HS3ST3A1: variants seen among roughly 807,000 people sequenced by gnomAD.
HS3ST3A1 encodes heparan sulfate-glucosamine 3-sulfotransferase 3A1.
Under a neutral mutation model 25.7 loss-of-function variants are expected in HS3ST3A1, and 19 were observed. That is an observed-to-expected ratio of 0.74 (90% confidence interval 0.52 to 1.08). HS3ST3A1 has a LOEUF of 1.08. Ranked by LOEUF, HS3ST3A1 falls within the 50% of genes least tolerant of loss-of-function variation. HS3ST3A1 has a pLI of 0.00. For synonymous variants in HS3ST3A1, 226 were observed against 278.6 expected, an observed-to-expected ratio of 0.81 and a Z score of 1.88; for missense variants, 459 against 594.3, an observed-to-expected ratio of 0.77 and a Z score of 2.37.
In HS3ST3A1 at chr17:13,552,327, C is replaced by G. The variant is rs191186636; in HGVS notation, c.599+48204G>C. Among the ~76,000 whole-genome samples the G allele has an allele frequency of 3.7e-3, 566 of 152,226 alleles. 5 individuals carry two copies. The highest frequency in any genetic ancestry group is 4.2e-3 in the Non-Finnish European group (288 of 68,012). On this transcript the variant is annotated intron_variant, in intron 1 of 1. Transcript: ENST00000284110. ...CGAACTCCTGACCTCGTGATCCACC[C>G]GCCTCGGCCTCCTAAAGTGCTGGGA...
At chr17:13,531,111 G>T (rs1906591638) in intron 1 of HS3ST3A1, among the ~76,000 whole-genome samples, 1 of 152,124 alleles carries the variant, frequency 6.6e-6, no homozygotes, top group African/African-American at 2.4e-5. Context: ...ATTTAATCAA[G>T]CATTTAGGGA....
Position 13,549,011 on chromosome 17 carries a change from G to A in HS3ST3A1, c.599+51520C>T, listed in dbSNP as rs530169185. The stretch of plus-strand genomic sequence containing the variant: ...CGAGCCCGCAGCAGCGATCTGCTCC[G>A]GTCCCTTGCCACACTGTGGAAGCTT... On this transcript the variant is annotated intron_variant, in intron 1 of 1. Transcript: ENST00000284110. Among the ~76,000 whole-genome samples, 8 of 152,278 alleles carry A rather than the reference G, an allele frequency of 5.3e-5. No individual in the cohort carries two copies. In the South Asian group the frequency reaches 8.3e-4, roughly 16 times the overall value.
At chr17:13,503,685 A>T (rs1905563920) in intron 1 of HS3ST3A1, among the ~76,000 whole-genome samples, 2 of 152,192 alleles carry the variant, frequency 1.3e-5, no homozygotes, top group African/African-American at 2.4e-5. Context: ...ACTATGACAC[A>T]CCCACTGGTC....
chr17:13,527,568 C>T (rs528091093), intron 1 of HS3ST3A1, among the ~76,000 whole-genome samples: 41 of 152,272 alleles, frequency 2.7e-4, no homozygotes, highest in Non-Finnish European at 4.3e-4. Context: ...CTGCTCCCCA[C>T]AGCACAAAGA....
At chr17:13,520,667 TGCAATG>T (rs913203131) in intron 1 of HS3ST3A1, among the ~76,000 whole-genome samples, 3 of 151,588 alleles carry the variant, frequency 2.0e-5, no homozygotes, top group Non-Finnish European at 2.9e-5. Context: ...CAGGCTGGAG[TGCAATG>T]GCACAATCTC....
chr17:13,546,834 T>C (rs1460752976), intron 1 of HS3ST3A1, among the ~76,000 whole-genome samples: 1 of 152,200 alleles, frequency 6.6e-6, no homozygotes, highest in Non-Finnish European at 1.5e-5. Flanking sequence ...TAAATGAAAA[T>C]ACTTGTGTCA....
chr17:13,543,238 A>G (rs1290551783), intron 1 of HS3ST3A1, among the ~76,000 whole-genome samples: 1 of 152,124 alleles, frequency 6.6e-6, no homozygotes, highest in African/African-American at 2.4e-5. Context: ...ACTAATCGCA[A>G]CAAGCATTTA....
intron 1 of HS3ST3A1, among the ~76,000 whole-genome samples, chr17:13,559,753 A>T (rs1261265393): frequency 6.6e-6 from 1 of 151,976 alleles, no homozygotes; most frequent in Non-Finnish European, 1.5e-5. Flanking sequence ...CAGGTACAGG[A>T]TGGAAGCACA....
chr17:13,520,750 G>A (rs2142318102), intron 1 of HS3ST3A1, among the ~76,000 whole-genome samples: 1 of 152,086 alleles, frequency 6.6e-6, no homozygotes, highest in East Asian at 1.9e-4. Flanking sequence ...AAATAGCTGG[G>A]ATTACAGGCA....
intron 1 of HS3ST3A1, among the ~76,000 whole-genome samples, chr17:13,574,222 C>T (rs1018500637): frequency 6.6e-6 from 1 of 151,258 alleles, no homozygotes; most frequent in African/African-American, 2.4e-5. Flanking sequence ...CAACCTCCAC[C>T]TCCCGGGTTC....
chr17:13,560,288 C>CAAAAAAAAAAAAAA, intron 1 of HS3ST3A1, among the ~76,000 whole-genome samples: 1 of 6,882 alleles, frequency 1.5e-4, no homozygotes, highest in Non-Finnish European at 3.9e-4. Context: ...ACACTCGTCT[C>CAAAAAAAAAAAAAA]CAAAAAAAAA....
rs571968882 is a variant in HS3ST3A1 at position 13,563,132 on chromosome 17, TTC to T, written c.599+37397_599+37398del. Among the ~76,000 whole-genome samples the T allele has an allele frequency of 7.5e-4, 113 of 151,556 alleles. 1 individual carries two copies. The highest frequency in any genetic ancestry group is 2.6e-3 in the African/African-American group (107 of 41,304). ...GAGAAGAGAATCACTTTATCTAACC[TTC>T]CCAGCCCTGCCTTCTCCAGGGATAC... On this transcript the variant is annotated intron_variant, in intron 1 of 1. Coordinates refer to ENST00000284110, the MANE Select transcript of HS3ST3A1 (RefSeq NM_006042.3).
chr17:13,577,585 C>G (rs928712263), intron 1 of HS3ST3A1, among the ~76,000 whole-genome samples: 4 of 152,076 alleles, frequency 2.6e-5, no homozygotes, highest in Non-Finnish European at 5.9e-5. Flanking sequence ...TAATCCAGGA[C>G]AGAATACATA....
chr17:13,533,112 C>T (rs761242806), intron 1 of HS3ST3A1, among the ~76,000 whole-genome samples: 10 of 151,956 alleles, frequency 6.6e-5, no homozygotes, highest in Non-Finnish European at 1.2e-4. Context: ...TAGAATATGT[C>T]AAGATTGTGG....
At chr17:13,537,291 C>T (rs539831689) in intron 1 of HS3ST3A1, among the ~76,000 whole-genome samples, 2 of 152,320 alleles carry the variant, frequency 1.3e-5, no homozygotes, top group East Asian at 1.9e-4. Context: ...CCAGCTGCAT[C>T]GTGTGGCATA....
At chr17:13,582,468 A>G (rs1908141395) in intron 1 of HS3ST3A1, among the ~76,000 whole-genome samples, 2 of 152,220 alleles carry the variant, frequency 1.3e-5, no homozygotes, top group African/African-American at 4.8e-5. Context: ...AGGAATACAT[A>G]AGTCAGAAGT....
At chr17:13,581,563 G>A (rs755645767) in intron 1 of HS3ST3A1, among the ~76,000 whole-genome samples, 8 of 151,676 alleles carry the variant, frequency 5.3e-5, no homozygotes, top group Non-Finnish European at 1.2e-4. Context: ...ACCCAACACT[G>A]TCTGAAAACA....
intron 1 of HS3ST3A1, among the ~76,000 whole-genome samples, chr17:13,533,443 A>G (rs1031108579): frequency 4.0e-5 from 6 of 151,506 alleles, no homozygotes; most frequent in Admixed American, 2.0e-4. Flanking sequence ...TCTGTTTTCA[A>G]TGAGTTCCCA....
At chr17:13,512,256 G>T (rs1018331512) in intron 1 of HS3ST3A1, among the ~76,000 whole-genome samples, 1 of 139,350 alleles carries the variant, frequency 7.2e-6, no homozygotes, top group South Asian at 2.3e-4. Context: ...CCGAGATTGC[G>T]CCACTGCAGT....
Sources: allele counts gnomAD v4.1 joint callset (sites outside exome capture counted in the v4.1 genomes callset), GRCh38; gene constraint gnomAD v4.1.1; transcripts MANE v1.5; gene names NCBI Gene and HGNC (gene_info 2026-07-23, HGNC 2026-07-21).